UBE2H: variants seen among roughly 807,000 people sequenced by gnomAD.
UBE2H encodes the protein ubiquitin conjugating enzyme E2 H, also known as ubiquitin-conjugating enzyme E2 H.
Under a neutral mutation model 29.0 loss-of-function variants are expected in UBE2H, and 3 were observed. That is an observed-to-expected ratio of 0.10 (90% CI 0.05 to 0.27). The LOEUF (loss-of-function observed/expected upper bound fraction) is 0.27. UBE2H is among the 10% of genes least tolerant of loss of function. UBE2H has a pLI of 1.00. For synonymous variants in UBE2H, 69 were observed against 82.9 expected (o/e 0.83, Z 0.91); for missense variants, 68 against 228.2 (o/e 0.30, Z 4.52).
At chr7:129,945,321 G>A (rs1007888812) in intron 1 of UBE2H, among the ~76,000 whole-genome samples, 2 of 152,224 alleles carry the variant, frequency 1.3e-5, no homozygotes, top group African/African-American at 4.8e-5. Flanking sequence ...TACAGTTCCT[G>A]TTAGATCTAT....
chr7:129,885,284 CAAAAG>C (rs758071079), intron 1 of UBE2H, among the ~76,000 whole-genome samples: 1 of 152,114 alleles, frequency 6.6e-6, no homozygotes, highest in Non-Finnish European at 1.5e-5. Flanking sequence ...ACGAGTTTAA[CAAAAG>C]AAGTCTTAAA....
intron 3 of UBE2H, chr7:129,865,144 A>C (rs1805878545): frequency 2.2e-5 from 8 of 366,872 alleles, no homozygotes; most frequent in South Asian, 1.5e-4. Context: ...AGATTACAAC[A>C]GAAAAATATG....
intron 1 of UBE2H, among the ~76,000 whole-genome samples, chr7:129,936,909 C>CAG (rs1243398293): frequency 6.0e-5 from 9 of 150,178 alleles, no homozygotes; most frequent in Non-Finnish European, 1.5e-5. Context: ...ACTGGGGAGA[C>CAG]AGAGGTTGCA....
chr7:129,907,301 G>GA (rs543658118), intron 1 of UBE2H, among the ~76,000 whole-genome samples: 49 of 152,214 alleles, frequency 3.2e-4, no homozygotes, highest in African/African-American at 1.2e-3. Context: ...CAGCTGTCGG[G>GA]ATGCAGAAGT....
At chr7:129,895,590 C>T (rs1484663551) in intron 1 of UBE2H, among the ~76,000 whole-genome samples, 4 of 152,040 alleles carry the variant, frequency 2.6e-5, no homozygotes, top group Non-Finnish European at 4.4e-5. Context: ...TCCCTCTCCC[C>T]AAAATATCTA....
intron 5 of UBE2H, among the ~76,000 whole-genome samples, chr7:129,850,179 C>T (rs1380046522): frequency 6.6e-6 from 1 of 151,950 alleles, no homozygotes; most frequent in Non-Finnish European, 1.5e-5. Context: ...CCAGCCTGGA[C>T]AACATAGTGA....
At chr7:129,942,259 G>A (rs927409822) in intron 1 of UBE2H, among the ~76,000 whole-genome samples, 1 of 150,220 alleles carries the variant, frequency 6.7e-6, no homozygotes, top group African/African-American at 2.4e-5. Flanking sequence ...TCCAGGCTGG[G>A]CGCGGTGGCT....
At chr7:129,904,237 TC>T (rs990527306) in intron 1 of UBE2H, among the ~76,000 whole-genome samples, 4 of 152,172 alleles carry the variant, frequency 2.6e-5, no homozygotes, top group African/African-American at 9.7e-5. Context: ...AGCCCTGATT[TC>T]CCTGTTTTGA....
intron 1 of UBE2H, among the ~76,000 whole-genome samples, chr7:129,906,575 TA>T (rs1480429782): frequency 6.6e-6 from 1 of 151,038 alleles, no homozygotes; most frequent in Non-Finnish European, 1.5e-5. Flanking sequence ...CATCTAGAAT[TA>T]AGTTAAGTAT....
At chr7:129,937,941 TTG>T (rs1444829264) in intron 1 of UBE2H, among the ~76,000 whole-genome samples, 5 of 152,330 alleles carry the variant, frequency 3.3e-5, no homozygotes, top group South Asian at 2.1e-4. Flanking sequence ...CCCTTGATAA[TTG>T]TGTTATCAAA....
intron 3 of UBE2H, among the ~76,000 whole-genome samples, chr7:129,879,052 T>C (rs1806204158): frequency 6.6e-6 from 1 of 152,158 alleles, no homozygotes; most frequent in African/African-American, 2.4e-5. Flanking sequence ...ACAACCCCAC[T>C]GAGGTTTCTA....
intron 5 of UBE2H, among the ~76,000 whole-genome samples, chr7:129,856,143 C>T (rs1404502554): frequency 1.3e-5 from 2 of 152,170 alleles, no homozygotes. Context: ...TGGTGACCAA[C>T]CTTTCTCTGT....
intron 1 of UBE2H, among the ~76,000 whole-genome samples, chr7:129,903,145 A>C (rs1806750755): frequency 6.6e-6 from 1 of 152,198 alleles, no homozygotes; most frequent in African/African-American, 2.4e-5. Context: ...ACCTACAGAG[A>C]ATCTAAACAC....
intron 3 of UBE2H, among the ~76,000 whole-genome samples, chr7:129,876,385 T>C (rs1806144796): frequency 6.6e-6 from 1 of 152,216 alleles, no homozygotes; most frequent in East Asian, 1.9e-4. Context: ...CTAAGCACTC[T>C]AGGAACTAAT....
At chr7:129,936,975 T>C (rs150456360) in intron 1 of UBE2H, among the ~76,000 whole-genome samples, 187 of 147,286 alleles carry the variant, frequency 1.3e-3, no homozygotes, top group African/African-American at 4.4e-3. Flanking sequence ...TGAGGCTCCA[T>C]ATCAAAATAA....
At chr7:129,915,660 CAGAA>C (rs1807029145) in intron 1 of UBE2H, among the ~76,000 whole-genome samples, 1 of 152,204 alleles carries the variant, frequency 6.6e-6, no homozygotes, top group African/African-American at 2.4e-5. Context: ...AACACTGAAA[CAGAA>C]AGGCATCTGT....
intron 5 of UBE2H, among the ~76,000 whole-genome samples, chr7:129,842,310 G>A (rs562889050): frequency 6.6e-6 from 1 of 152,202 alleles, no homozygotes; most frequent in Admixed American, 6.5e-5. Flanking sequence ...GCGCGTGCCT[G>A]TAGTCCCAGC....
At chr7:129,939,637 T>G (rs1008104557) in intron 1 of UBE2H, among the ~76,000 whole-genome samples, 1 of 152,178 alleles carries the variant, frequency 6.6e-6, no homozygotes, top group Non-Finnish European at 1.5e-5. Flanking sequence ...TATCAGCAAC[T>G]GTCTATGCAA....
intron 1 of UBE2H, among the ~76,000 whole-genome samples, chr7:129,883,837 G>A (rs555357241): frequency 2.0e-4 from 30 of 152,070 alleles, no homozygotes; most frequent in Admixed American, 1.3e-4. Flanking sequence ...GTGAGACTCC[G>A]TCTCAAAAAA....
Sources: gnomAD v4.1 joint callset for allele counts (sites outside exome capture counted in the v4.1 genomes callset) on GRCh38, gnomAD v4.1.1 for gene constraint, MANE v1.5 for transcripts, NCBI Gene and HGNC (gene_info 2026-07-23, HGNC 2026-07-21) for gene names.